The following DNAJB6 variants were observed in gnomAD, a reference collection of about 807,000 sequenced individuals.
DNAJB6 encodes DnaJ heat shock protein family (Hsp40) member B6, also known as dnaJ homolog subfamily B member 6.
In DNAJB6, 16 loss-of-function variants were observed where a neutral mutation model predicts 42.7. The ratio of observed to expected loss-of-function variants is 0.37; its 90% CI spans 0.25 to 0.57. The LOEUF (loss-of-function observed/expected upper bound fraction) is 0.57, where lower values mean the gene tolerates loss of function less well. Among genes scored for constraint, DNAJB6 ranks in the 20% least tolerant of loss-of-function variants. The probability of loss-of-function intolerance (pLI) is 0.74; values close to 1 mark genes in which losing one functional copy is unlikely to be tolerated. For missense variants in DNAJB6, 347 were observed against 416.8 expected, an observed-to-expected ratio of 0.83 and a Z score of 1.46; for synonymous variants, 170 against 163.5, an observed-to-expected ratio of 1.04 and a Z score of -0.30.
intron 8 of DNAJB6, among the ~76,000 whole-genome samples, chr7:157,403,623 C>CACTAGG: frequency 6.6e-6 from 1 of 152,090 alleles, no homozygotes; most frequent in African/African-American, 2.4e-5. Flanking sequence ...AGGTGTGCAC[C>CACTAGG]CCTGTGCCCT....
chr7:157,392,332 G>C (rs1801386036), intron 8 of DNAJB6, among the ~76,000 whole-genome samples: 2 of 148,736 alleles, frequency 1.3e-5, no homozygotes, highest in South Asian at 4.3e-4. Context: ...TAGTTGATTA[G>C]TCTTTAGCCT....
intron 3 of DNAJB6, 64 bp from the exon 4 acceptor site, chr7:157,366,438 C>T: frequency 7.0e-7 from 1 of 1,420,636 alleles, no homozygotes. Context: ...GGGGAAATAC[C>T]TTATCTATTG....
At chr7:157,402,702 C>T (rs575384603) in intron 8 of DNAJB6, among the ~76,000 whole-genome samples, 2 of 152,340 alleles carry the variant, frequency 1.3e-5, no homozygotes, top group Admixed American at 6.5e-5. Flanking sequence ...GCCTACGGTG[C>T]ATGGGTGGTC....
intron 1 of DNAJB6, among the ~76,000 whole-genome samples, chr7:157,356,531 C>T (rs1376372211): frequency 6.6e-6 from 1 of 152,212 alleles, no homozygotes; most frequent in Non-Finnish European, 1.5e-5. Flanking sequence ...GGAAATCTTT[C>T]ATAACTAGGG....
chr7:157,369,508 C>T lies in DNAJB6; in HGVS notation c.346+2025C>T, dbSNP rs768295539. 7.5e-5 allele frequency: 32 copies of T among 426,188 alleles called. 1 individual carries two copies. The highest frequency in any genetic ancestry group is 3.5e-4 in the South Asian group (21 of 60,262). 26.4% of individuals were successfully genotyped at this position (426,188 alleles called of 1,614,324 possible). A position where few individuals can be genotyped will look rare whatever the true frequency, so the allele number is the denominator to read the frequency against. ...GGGCTGTCCTCGTGATGTCTGAGAC[C>T]GGGCGTCTTCAACAGGCCCTGCTTA... On this transcript the variant is annotated intron_variant, in intron 5 of 9. Transcript: ENST00000262177.
At chr7:157,349,302 C>T (rs1460750817) in intron 1 of DNAJB6, among the ~76,000 whole-genome samples, 4 of 152,124 alleles carry the variant, frequency 2.6e-5, no homozygotes, top group Non-Finnish European at 5.9e-5. Context: ...ATCAGAATGA[C>T]AATATTCTTT....
intron 6 of DNAJB6, among the ~76,000 whole-genome samples, chr7:157,384,257 G>C (rs1217019398): frequency 6.6e-6 from 1 of 152,212 alleles, no homozygotes; most frequent in African/African-American, 2.4e-5. Flanking sequence ...AGTTTTTTGA[G>C]ACGAATACTT....
chr7:157,357,674 G>T lies in DNAJB6; in HGVS notation c.-26-873G>T, dbSNP rs1269951885. On this transcript the variant is annotated intron_variant, in intron 1 of 9. Coordinates refer to ENST00000262177, the MANE Select transcript of DNAJB6 (RefSeq NM_058246.4). ...CCAGTCAAATTGAAAGAAGTAAATT[G>T]GTTAGGAAACGTCACATCTTAAAGC... Among the ~76,000 whole-genome samples, 6 of 152,212 alleles carry T rather than the reference G, an allele frequency of 3.9e-5. No individual in the cohort carries two copies. The East Asian group carries it at 1.2e-3, about 30-fold the overall frequency.
intron 8 of DNAJB6, among the ~76,000 whole-genome samples, chr7:157,391,996 A>T (rs2117124659): frequency 6.6e-6 from 1 of 150,708 alleles, no homozygotes; most frequent in East Asian, 2.0e-4. Flanking sequence ...CCAGATACTC[A>T]GGAGGCTGAG....
intron 1 of DNAJB6, chr7:157,337,955 C>A (rs1204330969): frequency 6.6e-6 from 1 of 152,110 alleles, no homozygotes; most frequent in Non-Finnish European, 1.5e-5. Flanking sequence ...CAGGAAACAG[C>A]GCAAGTAGAA....
chr7:157,383,437 A>G (rs935201733), intron 6 of DNAJB6, among the ~76,000 whole-genome samples: 2 of 152,198 alleles, frequency 1.3e-5, no homozygotes, highest in Non-Finnish European at 2.9e-5. Flanking sequence ...CGCTCATGCC[A>G]TCTAGGTAAG....
chr7:157,407,437 C>T (rs777051580), intron 8 of DNAJB6, among the ~76,000 whole-genome samples: 7 of 152,212 alleles, frequency 4.6e-5, no homozygotes, highest in African/African-American at 1.7e-4. Flanking sequence ...CTCAAATGTT[C>T]TACTTTAGTT....
At chr7:157,372,379 C>T (rs1352569031) in intron 5 of DNAJB6, among the ~76,000 whole-genome samples, 4 of 152,286 alleles carry the variant, frequency 2.6e-5, no homozygotes, top group African/African-American at 4.8e-5. Flanking sequence ...CCAGCGAGGA[C>T]GGGGCCAGCC....
At chr7:157,385,655 A>T (rs1298172956) in intron 8 of DNAJB6, 44 bp downstream of exon 8, 1 of 1,610,620 alleles carries the variant, frequency 6.2e-7, no homozygotes, top group Non-Finnish European at 8.5e-7. Flanking sequence ...AATTCAACGC[A>T]CGCACTTAAC....
intron 5 of DNAJB6, among the ~76,000 whole-genome samples, chr7:157,373,126 A>T (rs981301090): frequency 1.1e-4 from 16 of 146,956 alleles, no homozygotes; most frequent in South Asian, 2.1e-4. Flanking sequence ...CACTGTAATG[A>T]TTTCATCTTA....
At chr7:157,402,203 C>G (rs557004650) in intron 8 of DNAJB6, among the ~76,000 whole-genome samples, 1 of 152,360 alleles carries the variant, frequency 6.6e-6, no homozygotes, top group Admixed American at 6.5e-5. Flanking sequence ...CCACGTGATC[C>G]TCCCTGCTTG....
At chr7:157,362,083 A>G (rs1345355829) in intron 2 of DNAJB6, among the ~76,000 whole-genome samples, 5 of 152,116 alleles carry the variant, frequency 3.3e-5, no homozygotes, top group Non-Finnish European at 7.3e-5. Context: ...TTGTATTTAA[A>G]TAGCGTGCAA....
intron 8 of DNAJB6, among the ~76,000 whole-genome samples, chr7:157,387,378 G>GCCCTC (rs1041115044): frequency 6.6e-6 from 1 of 152,172 alleles, no homozygotes; most frequent in African/African-American, 2.4e-5. Context: ...GCGGGACAGC[G>GCCCTC]CCCTCTAGTG....
intron 8 of DNAJB6, among the ~76,000 whole-genome samples, chr7:157,389,618 T>C (rs1801243281): frequency 6.6e-6 from 1 of 152,226 alleles, no homozygotes; most frequent in African/African-American, 2.4e-5. Flanking sequence ...GGGAGCTAGA[T>C]GTAGGCCTTG....
Sources: allele counts gnomAD v4.1 joint callset (sites outside exome capture counted in the v4.1 genomes callset), GRCh38; gene constraint gnomAD v4.1.1; transcripts MANE v1.5; gene names NCBI Gene and HGNC (gene_info 2026-07-23, HGNC 2026-07-21).